Variants in MTA1 observed in about 807,000 individuals in gnomAD.
MTA1 encodes metastasis-associated protein MTA1.
MTA1 carries 15 observed loss-of-function variants against 97.0 expected under a neutral mutation model. The ratio of observed to expected loss-of-function variants is 0.15; its 90% CI spans 0.10 to 0.24. The LOEUF (loss-of-function observed/expected upper bound fraction) is 0.24, where lower values mean the gene tolerates loss of function less well. Ranked by LOEUF, MTA1 falls within the 10% of genes least tolerant of loss-of-function variation. The pLI is 1.00. For synonymous variants in MTA1, 435 were observed against 417.5 expected (o/e 1.04, Z -0.51); for missense variants, 709 against 1,015.1 (o/e 0.70, Z 4.10).
chr14:105,437,365 G>A (rs1005352143), intron 1 of MTA1, among the ~76,000 whole-genome samples: 2 of 151,968 alleles, frequency 1.3e-5, no homozygotes, highest in African/African-American at 2.4e-5. Context: ...CTGCAGGTGC[G>A]TCCTCAGGGG....
chr14:105,469,320 C>T (rs182742061), intron 18 of MTA1, 147 bp from the exon 19 acceptor site: 40 of 859,046 alleles, frequency 4.7e-5, no homozygotes, highest in Non-Finnish European at 7.5e-5. Context: ...GGCCCCACGT[C>T]CCCCAGGCCC....
chr14:105,422,941 G>A lies in MTA1; in HGVS notation c.28+2878G>A, dbSNP rs1347133588. ...GTTCCCTGACCTCTGCTTCTCAAGG[G>A]TTGTCCATCCCGAGGGCTGGGGAAG... On this transcript the variant is annotated intron_variant, in intron 1 of 20. Coordinates refer to ENST00000331320, the MANE Select transcript of MTA1 (RefSeq NM_004689.4). This position sits in a 1 kb window ranked among gnomAD's most constrained non-coding sequence, Gnocchi z 4.3. Among the ~76,000 whole-genome samples the A allele has an allele frequency of 1.3e-5, 2 of 152,190 alleles. No homozygotes were observed. Among genetic ancestry groups the A allele is most frequent in the Non-Finnish European group, 2.9e-5 (2 of 68,024 alleles).
At chr14:105,461,893 C>A (rs1449262557) in intron 10 of MTA1, among the ~76,000 whole-genome samples, 1 of 152,208 alleles carries the variant, frequency 6.6e-6, no homozygotes, top group African/African-American at 2.4e-5. Flanking sequence ...GGATACGGAT[C>A]TCTCCAGGCT....
In MTA1 at chr14:105,465,089, C is replaced by G; in HGVS notation, c.1535-5C>G. The G allele has an allele frequency of 6.6e-7, 1 of 1,508,846 alleles. No individual in the cohort carries two copies. Among genetic ancestry groups the G allele is most frequent in the Non-Finnish European group, 8.9e-7 (1 of 1,123,070 alleles). 93.5% of individuals were successfully genotyped at this position (1,508,846 alleles called of 1,614,324 possible). A position where few individuals can be genotyped will look rare whatever the true frequency, so the allele number is the denominator to read the frequency against. The stretch of plus-strand genomic sequence containing the variant: ...CCACCCCTCACACCGTGTGGTACCC[C>G]GCAGGCACGGCGCGGCTGCCCGAAG... On this transcript the variant is annotated splice_region_variant and splice_polypyrimidine_tract_variant and intron_variant, in intron 15 of 20. Coordinates refer to ENST00000331320, the MANE Select transcript of MTA1 (RefSeq NM_004689.4).
intron 2 of MTA1, among the ~76,000 whole-genome samples, chr14:105,439,513 GT>G (rs1299907418): frequency 7.2e-5 from 11 of 152,324 alleles, no homozygotes; most frequent in African/African-American, 2.6e-4. Flanking sequence ...GGCCATGGAG[GT>G]GTAGGGCGCC....
At position 105,464,744 on chromosome 14, in the gene MTA1, A is replaced by G; in HGVS notation, c.1415A>G (p.Tyr472Cys). The G allele has an allele frequency of 6.2e-7, 1 of 1,610,258 alleles. No individual in the cohort carries two copies. The highest frequency in any genetic ancestry group is 8.5e-7 in the Non-Finnish European group (1 of 1,178,090). The part of the protein sequence containing the change: ...KFAMKTRQAF[Y>C]LHTTKLTRIA... ...GCCATGAAGACCAGGCAGGCTTTCT[A>G]TCTGCACACGACGAAGCTGACGCGG... The change falls in exon 15 of 21, where the codon TAT (tyrosine) becomes TGT (cysteine). Residue 472 changes from tyrosine to cysteine, a missense_variant. Transcript: ENST00000331320.
At chr14:105,425,523 G>T (rs587699820) in intron 1 of MTA1, among the ~76,000 whole-genome samples, 53 of 152,280 alleles carry the variant, frequency 3.5e-4, no homozygotes, top group Non-Finnish European at 7.5e-4. Flanking sequence ...CGATCCTCTT[G>T]CCTTGGGCTC....
At chr14:105,433,441 C>T (rs1347921156) in intron 1 of MTA1, among the ~76,000 whole-genome samples, 1 of 152,142 alleles carries the variant, frequency 6.6e-6, no homozygotes, top group Non-Finnish European at 1.5e-5. Context: ...GGCCTGAGGC[C>T]CTGGGTGAGC....
chr14:105,460,580 T>C, intron 9 of MTA1, 123 bp downstream of exon 9: 2 of 1,200,078 alleles, frequency 1.7e-6, no homozygotes, highest in Non-Finnish European at 2.3e-6. Flanking sequence ...GCAGAGGTGC[T>C]GTCCCACCTG....
At position 105,466,147 on chromosome 14, in the gene MTA1, G is replaced by T. The variant is rs113740810; in HGVS notation, c.1625-279G>T. 307 of 521,256 alleles carry T rather than the reference G, an allele frequency of 5.9e-4. 1 individual carries two copies. Among genetic ancestry groups the T allele is most frequent in the African/African-American group, 5.6e-3 (288 of 51,292 alleles). The allele number at this position is 521,256 out of a possible 1,614,324, so 32.3% of individuals were successfully genotyped here. A position where few individuals can be genotyped will look rare whatever the true frequency, so the allele number is the denominator to read the frequency against. On this transcript the variant is annotated intron_variant, in intron 16 of 20. Transcript: ENST00000331320. The stretch of plus-strand genomic sequence containing the variant: ...CCTGTGTATGGATCCTGTTGTCCCG[G>T]GGCTGAGGGGCCTGGCCCCCGCCAG...
chr14:105,445,131 G>A (rs2082672757), intron 2 of MTA1, among the ~76,000 whole-genome samples: 1 of 152,144 alleles, frequency 6.6e-6, no homozygotes, highest in Non-Finnish European at 1.5e-5. Flanking sequence ...TCCTCCTTGG[G>A]ACCCTGCTGT....
chr14:105,470,395 G>C lies in MTA1; in HGVS notation c.*180G>C, dbSNP rs587664189. ...GGAAGAAGCGCGGCTAACTTATTCC[G>C]AGAATGCCGAGGAGTTGTCGTTTTT... is the stretch of plus-strand genomic sequence containing the variant. On this transcript the variant is annotated 3_prime_UTR_variant, in exon 21 of 21. Coordinates refer to ENST00000331320, the MANE Select transcript of MTA1 (RefSeq NM_004689.4). 6 of 539,084 alleles carry C rather than the reference G, an allele frequency of 1.1e-5. No homozygotes were observed. Among genetic ancestry groups the C allele is most frequent in the Non-Finnish European group, 1.8e-5 (6 of 327,076 alleles). The allele number at this position is 539,084 out of a possible 1,614,324, so 33.4% of individuals were successfully genotyped here.
Position 105,463,954 on chromosome 14 carries a change from C to T in MTA1, c.1077-78C>T, listed in dbSNP as rs1440412694. ...TGGTTCTGGACAAGGGGTGGTCAGCCGCGGTGCCTGCTGGGCACATGGGCC... is the reference window on the plus strand; with the variant it reads ...TGGTTCTGGACAAGGGGTGGTCAGCTGCGGTGCCTGCTGGGCACATGGGCC... On this transcript the variant is annotated intron_variant, in intron 12 of 20. Coordinates refer to ENST00000331320, the MANE Select transcript of MTA1 (RefSeq NM_004689.4). The surrounding 1 kb of genome is among the most constrained non-coding windows in gnomAD (Gnocchi z 5.9). The T allele has an allele frequency of 3.5e-5, 49 of 1,406,408 alleles. No homozygotes were observed. Among genetic ancestry groups the T allele is most frequent in the Middle Eastern group, 1.8e-4 (1 of 5,704 alleles). 87.1% of individuals were successfully genotyped at this position (1,406,408 alleles called of 1,614,324 possible). A position where few individuals can be genotyped will look rare whatever the true frequency, so the allele number is the denominator to read the frequency against.
In MTA1 at chr14:105,420,201, A is replaced by C. The variant is rs1469923033; in HGVS notation, c.28+138A>C. On this transcript the variant is annotated intron_variant, in intron 1 of 20. Coordinates refer to ENST00000331320, the MANE Select transcript of MTA1 (RefSeq NM_004689.4). The surrounding 1 kb of genome is among the most constrained non-coding windows in gnomAD (Gnocchi z 5.3). ...CTCGCGGCCCCCGGCTCCTTCCCGA[A>C]CCGCCCCCCGCCGTGCTCACCCCAA... 1.8e-5 allele frequency: 6 copies of C among 341,586 alleles called. No individual in the cohort carries two copies. The highest frequency in any genetic ancestry group is 2.1e-5 in the Non-Finnish European group (5 of 243,002). The allele number at this position is 341,586 out of a possible 1,614,324, so 21.2% of individuals were successfully genotyped here.
intron 2 of MTA1, among the ~76,000 whole-genome samples, chr14:105,441,673 G>A (rs587644765): frequency 0.023 from 3,431 of 152,182 alleles, 61 homozygotes; most frequent in Non-Finnish European, 0.024. Context: ...GGGCGCCTGT[G>A]ATCCCAGCTA....
chr14:105,445,724 C>T (rs1057405715), intron 3 of MTA1: 66 of 678,366 alleles, frequency 9.7e-5, no homozygotes, highest in Non-Finnish European at 9.1e-5. Context: ...AGTCCTCGCA[C>T]GCCCCCCGGA....
chr14:105,468,586 G>A (rs587746179), intron 18 of MTA1, among the ~76,000 whole-genome samples: 1 of 152,352 alleles, frequency 6.6e-6, no homozygotes, highest in East Asian at 1.9e-4. Context: ...AGGTGGGGAG[G>A]GGCTGGACAG....
At chr14:105,462,553 G>T (rs2083398130) in intron 10 of MTA1, among the ~76,000 whole-genome samples, 2 of 150,688 alleles carry the variant, frequency 1.3e-5, no homozygotes, top group South Asian at 4.2e-4. Flanking sequence ...CTGGGCGACA[G>T]TGCGAGACTC....
rs782220365 is a variant in MTA1 at position 105,465,111 on chromosome 14, G to A, written c.1552G>A (p.Glu518Lys). 1.1e-5 allele frequency: 17 copies of A among 1,519,616 alleles called. No homozygotes were observed. The highest frequency in any genetic ancestry group is 3.6e-5 in the South Asian group (3 of 83,064). 94.1% of individuals were successfully genotyped at this position (1,519,616 alleles called of 1,614,324 possible). Residue 518 changes from glutamate to lysine, a missense_variant, in exon 16 of 21, where the codon GAA becomes AAA. This residue lies in a region of MTA1 where 388 missense variants were observed against 421.6 expected (regional missense o/e 0.92). Transcript: ENST00000331320. ...CCCCGCAGGCACGGCGCGGCTGCCC[G>A]AAGCCTCCCAGAGCCCGCTGGTGCT... The part of the protein sequence containing the change: ...IKAECTARLP[E>K]ASQSPLVLKQ...
Sources: allele counts gnomAD v4.1 joint callset (sites outside exome capture counted in the v4.1 genomes callset), GRCh38; gene constraint gnomAD v4.1.1; regional missense constraint gnomAD v4.1.1; non-coding constraint Gnocchi (gnomAD v3.1); transcripts MANE v1.5; gene names NCBI Gene and HGNC (gene_info 2026-07-23, HGNC 2026-07-21).